Variants in C5AR2 observed in about 807,000 individuals in gnomAD.
C5AR2 encodes C5a anaphylatoxin chemotactic receptor 2.
For synonymous variants in C5AR2, 224 were observed against 216.5 expected (o/e 1.03, Z -0.30); for missense variants, 458 against 467.5 (o/e 0.98, Z 0.19).
At chr19:47,336,621 C>T (rs1351327941) in intron 1 of C5AR2, among the ~76,000 whole-genome samples, 1 of 151,890 alleles carries the variant, frequency 6.6e-6, no homozygotes, top group Non-Finnish European at 1.5e-5. Context: ...GATCTTCCAC[C>T]CCAGTCTTAG....
intron 1 of C5AR2, among the ~76,000 whole-genome samples, chr19:47,335,797 A>AAAAAAC (rs2059355262): frequency 7.3e-6 from 1 of 137,672 alleles, no homozygotes; most frequent in Non-Finnish European, 1.5e-5. Flanking sequence ...AAAAAAAAAA[A>AAAAAAC]AAAAAGAAAG....
rs1247031509 is a variant in C5AR2, at chr19:47,344,156, A to ATGTT, written c.*2343_*2344insTGTT. On this transcript the variant is annotated 3_prime_UTR_variant, in exon 2 of 2. Transcript: ENST00000595464. Reference sequence around the variant, plus strand: ...CAGAAGCTGGAGACCTGCCTGGGCAACAGAGCAAGACCCCATCTCTACAAA... The same window carrying ATGTT: ...CAGAAGCTGGAGACCTGCCTGGGCAATGTTCAGAGCAAGACCCCATCTCTACAAA... 6.6e-6 allele frequency: 1 copy of ATGTT among 152,216 alleles called. No homozygotes were observed. The highest frequency in any genetic ancestry group is 1.5e-5 in the Non-Finnish European group (1 of 68,080). 9.4% of individuals were successfully genotyped at this position (152,216 alleles called of 1,614,324 possible).
chr19:47,346,621 C>G lies in C5AR2; in HGVS notation c.*4808C>G, dbSNP rs193140571. 1 of 151,916 alleles carries G rather than the reference C, an allele frequency of 6.6e-6. No homozygotes were observed. Among genetic ancestry groups the G allele is most frequent in the South Asian group, 2.1e-4 (1 of 4,822 alleles). 9.4% of individuals were successfully genotyped at this position (151,916 alleles called of 1,614,324 possible). On this transcript the variant is annotated 3_prime_UTR_variant, in exon 2 of 2. Coordinates refer to ENST00000595464, the MANE Select transcript of C5AR2 (RefSeq NM_001271749.2). Reference sequence around the variant, plus strand: ...TCGGGAGGTTGAGGCAGGAGAATGGCGTGAACCCAGGAGGCGGAGCTTGCA... The same window carrying G: ...TCGGGAGGTTGAGGCAGGAGAATGGGGTGAACCCAGGAGGCGGAGCTTGCA...
At chr19:47,333,117 G>T (rs561406353) in intron 1 of C5AR2, among the ~76,000 whole-genome samples, 1 of 152,024 alleles carries the variant, frequency 6.6e-6, no homozygotes, top group South Asian at 2.1e-4. Context: ...TGATTCTCCT[G>T]CCCCAGCCTG....
chr19:47,340,221 C>A (rs1379229279), intron 1 of C5AR2, among the ~76,000 whole-genome samples: 2 of 151,930 alleles, frequency 1.3e-5, no homozygotes, highest in East Asian at 3.9e-4. Context: ...CCTCTCAAAT[C>A]GTTGGGATTA....
rs138998026 is a variant in C5AR2, at chr19:47,341,409, C to T, written c.610C>T (p.Arg204Trp). The T allele has an allele frequency of 1.7e-5, 27 of 1,612,616 alleles. No individual in the cohort carries two copies. Among genetic ancestry groups the T allele is most frequent in the African/African-American group, 1.1e-4 (8 of 75,012 alleles). Residue 204 changes from arginine to tryptophan, a missense_variant, in exon 2 of 2, where the codon CGG (arginine) becomes TGG (tryptophan). Physicochemically the swap from Arg to Trp is moderately radical, Grantham distance 101 (BLOSUM62 -3). Transcript: ENST00000595464. The surrounding 1 kb of genome is among the most constrained non-coding windows in gnomAD (Gnocchi z 4.6). ...CACCGAGAATGCGGTGACTGCCATC[C>T]GGTTTCTTTTTGGCTTCCTGGGGCC... ...SSTENAVTAIRFLFGFLGPLV... is the reference protein window; with the variant it reads ...SSTENAVTAIWFLFGFLGPLV...
Position 47,342,389 on chromosome 19 carries a change from A to T in C5AR2, c.*576A>T, listed in dbSNP as rs972737044. 11 of 149,904 alleles carry T rather than the reference A, an allele frequency of 7.3e-5. No individual in the cohort carries two copies. Among genetic ancestry groups the T allele is most frequent in the Non-Finnish European group, 1.6e-4 (11 of 67,492 alleles). 9.3% of individuals were successfully genotyped at this position (149,904 alleles called of 1,614,324 possible). On this transcript the variant is annotated 3_prime_UTR_variant, in exon 2 of 2. Transcript: ENST00000595464. ...AATAAATAAAAGATTCTATTTATTT[A>T]TTTATTTTTTTGAGATGGAGTCTCG...
chr19:47,336,433 TTTCCTTCCTTCCTTCCTTCCTTCC>T (rs1241762416), intron 1 of C5AR2, among the ~76,000 whole-genome samples: 44 of 128,924 alleles, frequency 3.4e-4, no homozygotes, highest in African/African-American at 1.3e-3. Context: ...TCTTTCTTTC[TTTCCTTCCTTCCTTCCTTCCTTCC>T]TTCCTTCCTT....
intron 1 of C5AR2, among the ~76,000 whole-genome samples, chr19:47,336,480 CCTTCCTTCCTTTCTTT>C (rs2059358738): frequency 0.013 from 921 of 70,160 alleles, 5 homozygotes; most frequent in African/African-American, 0.032. Context: ...TTCCTTCCTT[CCTTCCTTCCTTTCTTT>C]CTTTCTTTCT....
In C5AR2 at chr19:47,336,424, CTTT is replaced by C. The variant is rs1401929746; in HGVS notation, c.-16+4076_-16+4078del. Reference sequence around the variant, plus strand: ...TCAGTTTTTAAATGCTGTACTCTTTCTTTCTTTCTTTCCTTCCTTCCTTCCTTC... The same window carrying C: ...TCAGTTTTTAAATGCTGTACTCTTTCCTTTCTTTCCTTCCTTCCTTCCTTC... On this transcript the variant is annotated intron_variant, in intron 1 of 1. Transcript: ENST00000595464. Among the ~76,000 whole-genome samples the C allele has an allele frequency of 2.3e-3, 284 of 121,984 alleles. 5 individuals carry two copies. In the Middle Eastern group the frequency reaches 0.025, roughly 11 times the overall value. The allele number at this position is 121,984 out of a possible 152,430, so 80.0% of individuals were successfully genotyped here.
intron 1 of C5AR2, among the ~76,000 whole-genome samples, chr19:47,337,386 G>A (rs2059362289): frequency 6.6e-6 from 1 of 152,180 alleles, no homozygotes; most frequent in Non-Finnish European, 1.5e-5. Flanking sequence ...ACTTAGGGCT[G>A]GGCGCGGTGG....
In C5AR2 at chr19:47,341,281, T is replaced by C. The variant is rs764536323; in HGVS notation, c.482T>C (p.Leu161Pro). 3.1e-6 allele frequency: 5 copies of C among 1,606,594 alleles called. No individual in the cohort carries two copies. The Admixed American group carries it at 8.3e-5, about 27-fold the overall frequency. The change falls in exon 2 of 2, where the codon CTG (leucine) becomes CCG (proline). Residue 161 changes from leucine to proline, a missense_variant. Coordinates refer to ENST00000595464, the MANE Select transcript of C5AR2 (RefSeq NM_001271749.2). This position sits in a 1 kb window ranked among gnomAD's most constrained non-coding sequence, Gnocchi z 4.6. ...VQVACGAAWT[L>P]ALLLTVPSAI... ...GTGGCCTGTGGGGCAGCCTGGACAC[T>C]GGCCTTGCTGCTCACCGTGCCCTCC...
At chr19:47,337,795 G>T (rs1200883378) in intron 1 of C5AR2, among the ~76,000 whole-genome samples, 2 of 152,100 alleles carry the variant, frequency 1.3e-5, no homozygotes, top group Admixed American at 1.3e-4. Flanking sequence ...GTGAGGTCAG[G>T]CACGGTGGCT....
intron 1 of C5AR2, 136 bp from the exon 2 acceptor site, chr19:47,340,649 T>G (rs1167494602): frequency 1.3e-6 from 1 of 787,286 alleles, no homozygotes; most frequent in Non-Finnish European, 2.1e-6. Context: ...ATTCCAATAT[T>G]CTAAAGCACT....
Position 47,342,041 on chromosome 19 carries a change from G to T in C5AR2, c.*228G>T. 1 of 551,502 alleles carries T rather than the reference G, an allele frequency of 1.8e-6. No individual in the cohort carries two copies. Among genetic ancestry groups the T allele is most frequent in the African/African-American group, 1.9e-5 (1 of 52,878 alleles). The allele number at this position is 551,502 out of a possible 1,614,324, so 34.2% of individuals were successfully genotyped here. ...TCAGGGAGCTGATATTCTTCTAGTG[G>T]AGGAAGACAGACTATAAACAAAGAT... On this transcript the variant is annotated 3_prime_UTR_variant, in exon 2 of 2. Coordinates refer to ENST00000595464, the MANE Select transcript of C5AR2 (RefSeq NM_001271749.2).
rs759077731 is a variant in C5AR2 at position 47,341,411 on chromosome 19, G to A, written c.612G>A (p.Arg204=). 21 of 1,612,496 alleles carry A rather than the reference G, an allele frequency of 1.3e-5. No individual in the cohort carries two copies. In the Admixed American group the frequency reaches 3.5e-4, roughly 27 times the overall value. Residue 204 remains arginine (R), a synonymous_variant, in exon 2 of 2, where the codon CGG becomes CGA. Coordinates refer to ENST00000595464, the MANE Select transcript of C5AR2 (RefSeq NM_001271749.2). The surrounding 1 kb of genome is among the most constrained non-coding windows in gnomAD (Gnocchi z 4.6). ...SSTENAVTAI[R]FLFGFLGPLV... is the part of the protein sequence containing the mutation. The stretch of plus-strand genomic sequence containing the variant: ...CCGAGAATGCGGTGACTGCCATCCG[G>A]TTTCTTTTTGGCTTCCTGGGGCCCC...
intron 1 of C5AR2, among the ~76,000 whole-genome samples, chr19:47,338,279 A>AC (rs1404621632): frequency 1.4e-4 from 1 of 6,954 alleles, no homozygotes; most frequent in Non-Finnish European, 2.6e-4. Context: ...TGTCTCTAAA[A>AC]AAAATATATA....
rs1240462752 is a variant in C5AR2, at chr19:47,346,878, C to A, written c.*5065C>A. 1 of 152,224 alleles carries A rather than the reference C, an allele frequency of 6.6e-6. No individual in the cohort carries two copies. 9.4% of individuals were successfully genotyped at this position (152,224 alleles called of 1,614,324 possible). ...TTTGGGGCTTAAAGTTTGCAAAATC[C>A]TCCCATTAATCTATTGGGACCAGTT... On this transcript the variant is annotated 3_prime_UTR_variant, in exon 2 of 2. Coordinates refer to ENST00000595464, the MANE Select transcript of C5AR2 (RefSeq NM_001271749.2).
In C5AR2 at chr19:47,341,780, C is replaced by G; in HGVS notation, c.981C>G (p.Thr327=). Residue 327 remains threonine (T), a synonymous_variant, in exon 2 of 2, where the codon ACC becomes ACG. Transcript: ENST00000595464. The surrounding 1 kb of genome is among the most constrained non-coding windows in gnomAD (Gnocchi z 4.6). ...QDESVDSKKS[T]SHDLVSEMEV Reference sequence around the variant, plus strand: ...AAAGTGTGGACAGCAAGAAATCCACCAGCCATGACCTGGTCTCGGAGATGG... The same window carrying G: ...AAAGTGTGGACAGCAAGAAATCCACGAGCCATGACCTGGTCTCGGAGATGG... 6.2e-7 allele frequency: 1 copy of G among 1,613,630 alleles called. No individual in the cohort carries two copies. The highest frequency in any genetic ancestry group is 8.5e-7 in the Non-Finnish European group (1 of 1,179,980).
Sources: gnomAD v4.1 joint callset for allele counts (sites outside exome capture counted in the v4.1 genomes callset) on GRCh38, gnomAD v4.1.1 for gene constraint, Gnocchi (gnomAD v3.1) non-coding constraint, MANE v1.5 for transcripts, NCBI Gene and HGNC (gene_info 2026-07-23, HGNC 2026-07-21) for gene names.